Variants in DPYS observed in about 807,000 individuals in gnomAD.
The protein encoded by DPYS is dihydropyrimidinase, also known as dihydropyrimidine amidohydrolase.
Under a neutral mutation model 50.3 loss-of-function variants are expected in DPYS, and 39 were observed. That is an observed-to-expected ratio of 0.78 (90% CI 0.60 to 1.01). The LOEUF (loss-of-function observed/expected upper bound fraction) is 1.01, where lower values mean the gene tolerates loss of function less well. Ranked by LOEUF, DPYS falls within the 50% of genes least tolerant of loss-of-function variation. The pLI is 0.00. For missense variants in DPYS, 659 were observed against 680.9 expected (o/e 0.97, Z 0.36); for synonymous variants, 245 against 250.7 (o/e 0.98, Z 0.22).
chr8:104,437,861 G>A (rs1813203500), intron 4 of DPYS, among the ~76,000 whole-genome samples: 1 of 152,150 alleles, frequency 6.6e-6, no homozygotes. Context: ...TGAAGAGAAA[G>A]TATAAAAATC....
chr8:104,449,335 G>A (rs955175944), intron 2 of DPYS, among the ~76,000 whole-genome samples: 3 of 152,194 alleles, frequency 2.0e-5, no homozygotes, highest in African/African-American at 4.8e-5. Context: ...CTGAGTAGAA[G>A]AGCCCTCATT....
At chr8:104,394,516 T>C (rs1487486288) in intron 7 of DPYS, among the ~76,000 whole-genome samples, 1 of 151,914 alleles carries the variant, frequency 6.6e-6, no homozygotes, top group East Asian at 1.9e-4. Context: ...GCTTCTCCTC[T>C]CCCCACTCCA....
At chr8:104,413,432 T>C (rs2140580101) in intron 7 of DPYS, among the ~76,000 whole-genome samples, 1 of 152,092 alleles carries the variant, frequency 6.6e-6, no homozygotes, top group Non-Finnish European at 1.5e-5. Context: ...GGGTAGTTGT[T>C]GAGATGAGGA....
At position 104,386,828 on chromosome 8, in the gene DPYS, A is replaced by C. The variant is rs578070906; in HGVS notation, c.1444-5514T>G. Among the ~76,000 whole-genome samples, 8 of 152,108 alleles carry C rather than the reference A, an allele frequency of 5.3e-5. No homozygotes were observed. The South Asian group carries it at 1.7e-3, about 32-fold the overall frequency. ...TTTTTAGTAGAAAGGGGGTTTCACC[A>C]TGTTGGCCAGGCTAGTCTTGAACTC... On this transcript the variant is annotated intron_variant, in intron 8 of 9. Transcript: ENST00000351513.
intron 7 of DPYS, among the ~76,000 whole-genome samples, chr8:104,410,103 C>T (rs1812124265): frequency 6.6e-6 from 1 of 152,174 alleles, no homozygotes; most frequent in Non-Finnish European, 1.5e-5. Context: ...ATGCTTGGTT[C>T]ATACATGAGC....
At chr8:104,434,104 C>G (rs1813046858) in intron 4 of DPYS, among the ~76,000 whole-genome samples, 1 of 152,114 alleles carries the variant, frequency 6.6e-6, no homozygotes, top group South Asian at 2.1e-4. Flanking sequence ...GTAAGCTATA[C>G]ATTGTTCTGG....
At chr8:104,393,571 C>A (rs1811474151) in intron 7 of DPYS, among the ~76,000 whole-genome samples, 1 of 152,106 alleles carries the variant, frequency 6.6e-6, no homozygotes, top group Non-Finnish European at 1.5e-5. Context: ...TTGAAGATAA[C>A]AGAAATAATA....
intron 7 of DPYS, chr8:104,421,024 A>G (rs1812520946): frequency 6.6e-6 from 1 of 152,186 alleles, no homozygotes. Context: ...TAATGATCAC[A>G]TTTTACATAT....
In DPYS at chr8:104,418,518, T is replaced by C. The variant is rs1170645472; in HGVS notation, c.1235+5729A>G. Among the ~76,000 whole-genome samples the C allele has an allele frequency of 3.9e-5, 6 of 152,260 alleles. No homozygotes were observed. In the East Asian group the frequency reaches 1.2e-3, roughly 29 times the overall value. ...GGTGAACTCTATTTAAAATTGCCTC[T>C]GTCTGTGATAAACACAATTAAAAGT... On this transcript the variant is annotated intron_variant, in intron 7 of 9. Transcript: ENST00000351513.
rs1377927183 is a variant in DPYS, at chr8:104,447,336, G to C, written c.591C>G (p.Asp197Glu). ...AIAQVHAENG[D>E]LIAEGAKKML... ...TGCAAATGCGTACCTCTGCAATTAA[G>C]TCTCCATTTTCCGCATGGACCTGGG... Residue 197 changes from aspartate to glutamate, a missense_variant, in exon 3 of 10, where the codon GAC (aspartate) becomes GAG (glutamate). By Grantham distance (45) the Asp-to-Glu change is conservative. Coordinates refer to ENST00000351513, the MANE Select transcript of DPYS (RefSeq NM_001385.3). 1.9e-6 allele frequency: 3 copies of C among 1,614,024 alleles called. No individual in the cohort carries two copies. Among genetic ancestry groups the C allele is most frequent in the South Asian group, 1.1e-5 (1 of 91,068 alleles).
chr8:104,409,360 C>T (rs1372067256), intron 7 of DPYS, among the ~76,000 whole-genome samples: 1 of 151,916 alleles, frequency 6.6e-6, no homozygotes, highest in Non-Finnish European at 1.5e-5. Flanking sequence ...TGGTGCACGC[C>T]TGTAATTCCA....
chr8:104,443,752 G>A (rs1813430259), intron 4 of DPYS, among the ~76,000 whole-genome samples: 1 of 152,160 alleles, frequency 6.6e-6, no homozygotes, highest in African/African-American at 2.4e-5. Context: ...ATTTAGCTGG[G>A]TGTGGTGGTG....
chr8:104,384,687 C>G (rs896363638), intron 8 of DPYS, among the ~76,000 whole-genome samples: 1 of 152,232 alleles, frequency 6.6e-6, no homozygotes, highest in African/African-American at 2.4e-5. Context: ...AAGTGAGCCT[C>G]TTTCTCTGGC....
At chr8:104,382,190 C>T (rs548840703) in intron 8 of DPYS, among the ~76,000 whole-genome samples, 1 of 152,288 alleles carries the variant, frequency 6.6e-6, no homozygotes, top group Admixed American at 6.5e-5. Context: ...ACACCAAACA[C>T]CGAGGATCCA....
At chr8:104,384,233 A>C (rs1266348727) in intron 8 of DPYS, among the ~76,000 whole-genome samples, 1 of 152,238 alleles carries the variant, frequency 6.6e-6, no homozygotes, top group East Asian at 1.9e-4. Context: ...CAGAAATCAA[A>C]GACAACTTAA....
chr8:104,442,154 T>A (rs765026928), intron 4 of DPYS, among the ~76,000 whole-genome samples: 2 of 152,228 alleles, frequency 1.3e-5, no homozygotes, highest in African/African-American at 4.8e-5. Context: ...TCTTGGGCCA[T>A]GTAAATATTT....
intron 8 of DPYS, among the ~76,000 whole-genome samples, chr8:104,383,197 C>T (rs1331774669): frequency 6.6e-6 from 1 of 152,218 alleles, no homozygotes; most frequent in Non-Finnish European, 1.5e-5. Flanking sequence ...CAGAATCCTT[C>T]CTGGTAGCTT....
At chr8:104,459,682 G>A (rs1022553368) in intron 1 of DPYS, among the ~76,000 whole-genome samples, 1 of 152,106 alleles carries the variant, frequency 6.6e-6, no homozygotes, top group Admixed American at 6.6e-5. Context: ...TCCCAAATCT[G>A]CTATAAAGCA....
intron 7 of DPYS, among the ~76,000 whole-genome samples, chr8:104,405,440 C>A (rs917142567): frequency 2.6e-5 from 4 of 152,188 alleles, no homozygotes; most frequent in African/African-American, 4.8e-5. Flanking sequence ...ATTACCTACA[C>A]TGGAATTTTA....
Sources: gnomAD v4.1 joint callset for allele counts (sites outside exome capture counted in the v4.1 genomes callset) on GRCh38, gnomAD v4.1.1 for gene constraint, MANE v1.5 for transcripts, NCBI Gene and HGNC (gene_info 2026-07-23, HGNC 2026-07-21) for gene names.